Variants in ADA observed in about 807,000 individuals in gnomAD.
ADA encodes adenosine deaminase.
ADA carries 45 observed loss-of-function variants against 49.0 expected under a neutral mutation model. The ratio of observed to expected loss-of-function variants is 0.92; its 90% CI spans 0.72 to 1.18. The LOEUF is 1.18. Ranked by LOEUF, ADA falls within the 50% of genes most tolerant of loss-of-function variation. The pLI is 0.00. For missense variants in ADA, 445 were observed against 472.5 expected (o/e 0.94, Z 0.54); for synonymous variants, 173 against 184.2 (o/e 0.94, Z 0.49).
chr20:44,637,058 G>C (rs2065487596), intron 1 of ADA, among the ~76,000 whole-genome samples: 1 of 152,160 alleles, frequency 6.6e-6, no homozygotes, highest in East Asian at 1.9e-4. Context: ...ACCCACCTCA[G>C]CCTCCCAAAG....
At chr20:44,648,600 G>A (rs771722787) in intron 1 of ADA, among the ~76,000 whole-genome samples, 5 of 151,972 alleles carry the variant, frequency 3.3e-5, no homozygotes, top group East Asian at 1.9e-4. Context: ...TCAGTCTGCC[G>A]CCACTGGACT....
intron 2 of ADA, among the ~76,000 whole-genome samples, chr20:44,629,801 G>A (rs532856824): frequency 1.3e-4 from 20 of 152,240 alleles, no homozygotes; most frequent in East Asian, 9.7e-4. Flanking sequence ...CTACAGCAGC[G>A]CTCAGTAAGA....
chr20:44,649,103 G>T (rs766274614), intron 1 of ADA, among the ~76,000 whole-genome samples: 7 of 152,026 alleles, frequency 4.6e-5, no homozygotes, highest in Non-Finnish European at 7.3e-5. Flanking sequence ...GCCTCCCTTG[G>T]ACTCAAACCC....
At chr20:44,624,438 CAG>C (rs1176142963) in intron 5 of ADA, 109 bp from the exon 6 acceptor site, 10 of 1,479,162 alleles carry the variant, frequency 6.8e-6, no homozygotes, top group Admixed American at 1.7e-5. Flanking sequence ...CAGCACAAAA[CAG>C]GGCTCAGTGT....
chr20:44,636,960 C>G (rs2065486628), intron 1 of ADA, among the ~76,000 whole-genome samples: 1 of 152,102 alleles, frequency 6.6e-6, no homozygotes, highest in African/African-American at 2.4e-5. Context: ...CAGGTGCCAC[C>G]ACGCCCAGTT....
At chr20:44,636,538 G>A (rs568609183) in intron 1 of ADA, among the ~76,000 whole-genome samples, 31 of 152,228 alleles carry the variant, frequency 2.0e-4, no homozygotes, top group Non-Finnish European at 2.8e-4. Flanking sequence ...ACTGAGGTTC[G>A]GAGGTGTTAA....
intron 9 of ADA, among the ~76,000 whole-genome samples, chr20:44,621,348 GC>G (rs1311814610): frequency 6.6e-6 from 1 of 152,198 alleles, no homozygotes; most frequent in African/African-American, 2.4e-5. Context: ...CCAGAATCCA[GC>G]CCATCCTGAA....
chr20:44,630,143 G>A (rs2065420507), intron 2 of ADA, among the ~76,000 whole-genome samples: 1 of 152,018 alleles, frequency 6.6e-6, no homozygotes, highest in Admixed American at 6.5e-5. Flanking sequence ...TCAGGAGATT[G>A]AGACTATCCT....
rs1555844200 is a variant in ADA at position 44,623,084 on chromosome 20, A to AGGGGGAGAGCCAGGTCATGGG, written c.607-27_607-7dup. ...ATGCCGCTCTTCACAGCCTCCTGGAAGGGGGAGAGCCAGGTCATGGGTGCC... is the reference window on the plus strand; with the variant it reads ...ATGCCGCTCTTCACAGCCTCCTGGAAGGGGGAGAGCCAGGTCATGGGGGGGGAGAGCCAGGTCATGGGTGCC... On this transcript the variant is annotated splice_region_variant and splice_polypyrimidine_tract_variant and intron_variant, in intron 6 of 11. Transcript: ENST00000372874. 1 of 1,613,856 alleles carries AGGGGGAGAGCCAGGTCATGGG rather than the reference A, an allele frequency of 6.2e-7. No homozygotes were observed. Among genetic ancestry groups the AGGGGGAGAGCCAGGTCATGGG allele is most frequent in the Non-Finnish European group, 8.5e-7 (1 of 1,179,992 alleles).
At chr20:44,625,916 C>G (rs2065378442) in intron 4 of ADA, among the ~76,000 whole-genome samples, 1 of 152,184 alleles carries the variant, frequency 6.6e-6, no homozygotes, top group African/African-American at 2.4e-5. Flanking sequence ...GGGGTGTCAA[C>G]ATGGCCCTCC....
At chr20:44,631,933 A>C (rs1399976293) in intron 2 of ADA, among the ~76,000 whole-genome samples, 2 of 152,014 alleles carry the variant, frequency 1.3e-5, no homozygotes, top group East Asian at 1.9e-4. Flanking sequence ...CCTGGGTTCC[A>C]CATTTCCAAA....
intron 2 of ADA, among the ~76,000 whole-genome samples, chr20:44,630,956 C>T (rs980492353): frequency 1.3e-5 from 2 of 151,964 alleles, no homozygotes; most frequent in South Asian, 2.1e-4. Flanking sequence ...AAGGCTACTG[C>T]GGGCCAAGAT....
At position 44,640,666 on chromosome 20, in the gene ADA, C is replaced by CAA. The variant is rs35863085; in HGVS notation, c.34-4380_34-4379dup. ...TGGGTGAAAGTGCAAAACTCCACCT[C>CAA]AAAAAAAAAAAAAAAATTACCTTAT... On this transcript the variant is annotated intron_variant, in intron 1 of 11. Transcript: ENST00000372874. Among the ~76,000 whole-genome samples the CAA allele has an allele frequency of 5.1e-5, 7 of 136,246 alleles. No homozygotes were observed. The East Asian group carries it at 1.1e-3, about 20-fold the overall frequency. The allele number at this position is 136,246 out of a possible 152,430, so 89.4% of individuals were successfully genotyped here.
chr20:44,651,616 C>A lies in ADA; in HGVS notation c.-9G>T, dbSNP rs1312157757. 3 of 1,531,922 alleles carry A rather than the reference C, an allele frequency of 2.0e-6. No individual in the cohort carries two copies. Among genetic ancestry groups the A allele is most frequent in the South Asian group, 1.2e-5 (1 of 84,008 alleles). The allele number at this position is 1,531,922 out of a possible 1,614,324, so 94.9% of individuals were successfully genotyped here. A position where few individuals can be genotyped will look rare whatever the true frequency, so the allele number is the denominator to read the frequency against. On this transcript the variant is annotated 5_prime_UTR_variant, in exon 1 of 12. Transcript: ENST00000372874. ...GCGGGCGTCTGGGCCATGGTGCCCT[C>A]GTGCGCCCCGGCGCTGCTCCCTCCG...
intron 1 of ADA, among the ~76,000 whole-genome samples, chr20:44,650,713 C>T (rs1568859850): frequency 6.6e-6 from 1 of 152,154 alleles, no homozygotes; most frequent in Non-Finnish European, 1.5e-5. Flanking sequence ...GGATTACAGG[C>T]GTGAGCCAAC....
intron 5 of ADA, among the ~76,000 whole-genome samples, chr20:44,625,299 T>C (rs1219570486): frequency 1.3e-5 from 2 of 152,148 alleles, no homozygotes; most frequent in Admixed American, 1.3e-4. Flanking sequence ...AGATTTTTTT[T>C]TCAATAGTTA....
At chr20:44,620,974 C>G (rs941531241) in intron 10 of ADA, 44 bp downstream of exon 10, 9 of 1,612,640 alleles carry the variant, frequency 5.6e-6, no homozygotes, top group South Asian at 1.1e-5. Context: ...AGATACCATA[C>G]TCCCAAACCC....
intron 1 of ADA, among the ~76,000 whole-genome samples, chr20:44,650,600 CTTT>C (rs58559748): frequency 0.037 from 5,664 of 151,874 alleles, 326 homozygotes; most frequent in African/African-American, 0.12. Context: ...CTTCCCCTAA[CTTT>C]TTTTATTTTT....
chr20:44,642,432 TG>T (rs2065545154), intron 1 of ADA, among the ~76,000 whole-genome samples: 2 of 152,170 alleles, frequency 1.3e-5, no homozygotes, highest in South Asian at 4.1e-4. Context: ...GAAAGTGTGT[TG>T]GGAAAAGATC....
Sources: allele counts gnomAD v4.1 joint callset (sites outside exome capture counted in the v4.1 genomes callset), GRCh38; gene constraint gnomAD v4.1.1; transcripts MANE v1.5; gene names NCBI Gene and HGNC (gene_info 2026-07-23, HGNC 2026-07-21).